The following CFAP57 variants were observed in gnomAD, a reference collection of about 807,000 sequenced individuals.
CFAP57 encodes cilia and flagella associated protein 57.
In CFAP57, 116 loss-of-function variants were observed where a neutral mutation model predicts 146.8. That is an observed-to-expected ratio of 0.79 (90% confidence interval 0.68 to 0.92). The LOEUF (loss-of-function observed/expected upper bound fraction) is 0.92. Among genes scored for constraint, CFAP57 ranks in the 40% least tolerant of loss-of-function variants. CFAP57 has a pLI of 0.00. For missense variants in CFAP57, 1,377 were observed against 1,527.2 expected (o/e 0.90, Z 1.64); for synonymous variants, 518 against 552.8 (o/e 0.94, Z 0.88).
At chr1:43,209,505 A>G (rs796560418) in intron 10 of CFAP57, among the ~76,000 whole-genome samples, 3 of 152,334 alleles carry the variant, frequency 2.0e-5, no homozygotes, top group African/African-American at 7.2e-5. Context: ...ATCTCTCTCT[A>G]TTAGTATTAT....
In CFAP57 at chr1:43,221,485, C is replaced by T; in HGVS notation, c.2341+20C>T. The T allele has an allele frequency of 6.8e-7, 1 of 1,475,212 alleles. No homozygotes were observed. Among genetic ancestry groups the T allele is most frequent in the Non-Finnish European group, 9.0e-7 (1 of 1,107,736 alleles). 91.4% of individuals were successfully genotyped at this position (1,475,212 alleles called of 1,614,324 possible). On this transcript the variant is annotated intron_variant, in intron 14 of 22. Transcript: ENST00000372492. ...ACATGGGTGAGCCCACAAGTAGAGG[C>T]CTCGTTGGTTAGGGTTGGAAGAGCT...
chr1:43,206,297 T>G (rs1644354920), intron 9 of CFAP57: 1 of 185,256 alleles, frequency 5.4e-6, no homozygotes, highest in South Asian at 1.1e-4. Flanking sequence ...TTATCATATT[T>G]ACCAGTTAAC....
chr1:43,192,715 G>A (rs967475181), intron 6 of CFAP57, among the ~76,000 whole-genome samples: 5 of 151,366 alleles, frequency 3.3e-5, no homozygotes, highest in Admixed American at 1.3e-4. Flanking sequence ...ATCTAAGGTC[G>A]AGAGGTCGAG....
Position 43,246,808 on chromosome 1 carries a change from G to A in CFAP57, c.3538+3449G>A, listed in dbSNP as rs142610396. On this transcript the variant is annotated intron_variant, in intron 22 of 22. Transcript: ENST00000372492. ...TTTTGTTTTCGAGTACATACATGAC[G>A]GCCCATCAGTGATAAACAGCTTGAG... is the stretch of plus-strand genomic sequence containing the variant. Among the ~76,000 whole-genome samples, 141 of 152,136 alleles carry A rather than the reference G, an allele frequency of 9.3e-4. 1 individual carries two copies. Among genetic ancestry groups the A allele is most frequent in the Middle Eastern group, 3.4e-3 (1 of 294 alleles).
intron 3 of CFAP57, 142 bp from the exon 4 acceptor site, chr1:43,183,449 T>C: frequency 1.3e-6 from 1 of 770,806 alleles, no homozygotes; most frequent in Non-Finnish European, 2.2e-6. Flanking sequence ...CCTTATCAAA[T>C]GCAGCATAAA....
At position 43,234,512 on chromosome 1, in the gene CFAP57, G is replaced by C. The variant is rs754339360; in HGVS notation, c.3279G>C (p.Leu1093=). The C allele has an allele frequency of 6.5e-7, 1 of 1,549,798 alleles. No individual in the cohort carries two copies. Among genetic ancestry groups the C allele is most frequent in the South Asian group, 1.2e-5 (1 of 83,954 alleles). ...CCCGTCAGGTGGAGATCGCAGGGCT[G>C]AACACAGACCTGCAGCAGGAGTACA... ...QRADMVEIAG[L]NTDLQQEYTR... The change falls in exon 21 of 23, where the codon CTG becomes CTC. Residue 1093 remains leucine, a synonymous_variant. Transcript: ENST00000372492.
In CFAP57 at chr1:43,198,649, A is replaced by G; in HGVS notation, c.1428+3A>G. The stretch of plus-strand genomic sequence containing the variant: ...ACTCTGTTAGAGGATGCGGAGAGGT[A>G]AAAAAAAAACTGCTGAAGACAAAAG... On this transcript the variant is annotated splice_donor_region_variant and intron_variant, in intron 8 of 22. Transcript: ENST00000372492. 1 of 798,346 alleles carries G rather than the reference A, an allele frequency of 1.3e-6. No homozygotes were observed. The highest frequency in any genetic ancestry group is 1.8e-6 in the Non-Finnish European group (1 of 555,594). The allele number at this position is 798,346 out of a possible 1,614,324, so 49.5% of individuals were successfully genotyped here.
chr1:43,220,927 C>T (rs1353529780), intron 13 of CFAP57, among the ~76,000 whole-genome samples: 1 of 152,112 alleles, frequency 6.6e-6, no homozygotes. Context: ...AAAGTTAGGT[C>T]CTGAAGATGG....
intron 22 of CFAP57, among the ~76,000 whole-genome samples, chr1:43,244,861 C>A (rs113566578): frequency 2.0e-5 from 3 of 152,006 alleles, no homozygotes; most frequent in Admixed American, 6.6e-5. Context: ...TCAGATTGCA[C>A]TACCGCACTC....
intron 10 of CFAP57, among the ~76,000 whole-genome samples, chr1:43,208,051 G>T (rs1644431074): frequency 6.6e-6 from 1 of 152,242 alleles, no homozygotes; most frequent in Non-Finnish European, 1.5e-5. Flanking sequence ...ATGAAAAAAT[G>T]CTCATCATCA....
chr1:43,239,764 G>C (rs1054000768), intron 21 of CFAP57, among the ~76,000 whole-genome samples: 1 of 152,170 alleles, frequency 6.6e-6, no homozygotes, highest in Non-Finnish European at 1.5e-5. Flanking sequence ...ACTGAAGGGA[G>C]AAATGGAGAG....
rs200269736 is a variant in CFAP57, at chr1:43,197,579, G to C, written c.1149G>C (p.Leu383Phe). 50 of 1,613,896 alleles carry C rather than the reference G, an allele frequency of 3.1e-5. No homozygotes were observed. The highest frequency in any genetic ancestry group is 1.6e-4 in the Middle Eastern group (1 of 6,084). ...GGGAGCCTGCTCACTTTGAGTATTT[G>C]ATGTATCCATTGCACTCAGCACCCA... is the stretch of plus-strand genomic sequence containing the variant. Reference protein sequence around the residue: ...SKGEPAHFEYLMYPLHSAPIT... With the variant: ...SKGEPAHFEYFMYPLHSAPIT... Residue 383 changes from leucine to phenylalanine, a missense_variant, in exon 7 of 23, where the codon TTG (leucine) becomes TTC (phenylalanine). Coordinates refer to ENST00000372492, the MANE Select transcript of CFAP57 (RefSeq NM_001378189.1).
chr1:43,179,380 A>G (rs892938169), intron 2 of CFAP57, among the ~76,000 whole-genome samples: 2 of 152,254 alleles, frequency 1.3e-5, no homozygotes, highest in Admixed American at 6.5e-5. Context: ...AGCATTTTAC[A>G]AACTCTAAAA....
At chr1:43,234,154 A>T in intron 19 of CFAP57, 125 bp from the exon 20 acceptor site, 1 of 1,117,054 alleles carries the variant, frequency 9.0e-7, no homozygotes, top group Middle Eastern at 2.5e-4. Flanking sequence ...GGCCCCTGGC[A>T]GTCAGCTGTA....
Position 43,254,011 on chromosome 1 carries a change from C to G in CFAP57, c.3573C>G (p.Thr1191=), listed in dbSNP as rs1006282371. 2 of 1,550,414 alleles carry G rather than the reference C, an allele frequency of 1.3e-6. No individual in the cohort carries two copies. The highest frequency in any genetic ancestry group is 1.7e-6 in the Non-Finnish European group (2 of 1,146,996). The change falls in exon 23 of 23, where the codon ACC becomes ACG. Residue 1191 remains threonine, a synonymous_variant. Coordinates refer to ENST00000372492, the MANE Select transcript of CFAP57 (RefSeq NM_001378189.1). ...GGGACATGCTCAGCACAGCTCCCAC[C>G]GCAAGGTTGAATGAGCAAGAAGAAA... ...PSRDMLSTAP[T]ARLNEQEETG... is the part of the protein sequence containing the mutation.
chr1:43,242,332 C>T (rs183757573), intron 21 of CFAP57, among the ~76,000 whole-genome samples: 14 of 152,324 alleles, frequency 9.2e-5, no homozygotes, highest in East Asian at 7.7e-4. Context: ...AAACTGTAAA[C>T]TCCTCAAGAG....
intron 18 of CFAP57, among the ~76,000 whole-genome samples, chr1:43,229,431 G>A (rs1369993185): frequency 6.7e-6 from 1 of 148,474 alleles, no homozygotes; most frequent in African/African-American, 2.5e-5. Flanking sequence ...GGTGCTTCTG[G>A]GAGCCTCTGA....
intron 18 of CFAP57, among the ~76,000 whole-genome samples, chr1:43,230,241 A>C (rs1163028412): frequency 6.6e-6 from 1 of 152,134 alleles, no homozygotes; most frequent in African/African-American, 2.4e-5. Flanking sequence ...GATCTTCGGG[A>C]GCCCCGCAAA....
At position 43,181,791 on chromosome 1, in the gene CFAP57, G is replaced by A; in HGVS notation, c.415G>A (p.Glu139Lys). Residue 139 changes from glutamate (E) to lysine (K), a missense_variant, in exon 3 of 23, where the codon GAA (glutamate) becomes AAA (lysine). Coordinates refer to ENST00000372492, the MANE Select transcript of CFAP57 (RefSeq NM_001378189.1). ...PESNLVYWLW[E>K]KQKVMAIVRI... ...GTCAAATCTTGTCTACTGGCTGTGG[G>A]AAAAACAGAAAGTAATGGCCATTGT... 2.5e-6 allele frequency: 4 copies of A among 1,614,172 alleles called. No homozygotes were observed. Among genetic ancestry groups the A allele is most frequent in the Non-Finnish European group, 3.4e-6 (4 of 1,180,026 alleles).
Sources: allele counts gnomAD v4.1 joint callset (sites outside exome capture counted in the v4.1 genomes callset), GRCh38; gene constraint gnomAD v4.1.1; transcripts MANE v1.5; gene names NCBI Gene and HGNC (gene_info 2026-07-23, HGNC 2026-07-21).